Variants in LSAMP observed in about 807,000 individuals in gnomAD.
The protein encoded by LSAMP is limbic system associated membrane protein, also known as limbic system-associated membrane protein.
A neutral mutation model predicts 38.6 loss-of-function variants in LSAMP; 7 were observed. That is an observed-to-expected ratio of 0.18 (90% CI 0.10 to 0.34). The LOEUF (loss-of-function observed/expected upper bound fraction) is 0.34. Ranked by LOEUF, LSAMP falls within the 10% of genes least tolerant of loss-of-function variation. The probability of loss-of-function intolerance (pLI) is 1.00; values close to 1 mark genes in which losing one functional copy is unlikely to be tolerated. For synonymous variants in LSAMP, 154 were observed against 166.8 expected, an observed-to-expected ratio of 0.92 and a Z score of 0.59; for missense variants, 313 against 420.0, an observed-to-expected ratio of 0.75 and a Z score of 2.23.
intron 3 of LSAMP, among the ~76,000 whole-genome samples, chr3:115,996,389 A>C (rs1013062839): frequency 2.5e-4 from 38 of 152,128 alleles, no homozygotes; most frequent in African/African-American, 8.7e-4. Context: ...ATTTCAAGAG[A>C]GATCTACAGG....
chr3:116,400,076 G>T (rs541311735), intron 1 of LSAMP, among the ~76,000 whole-genome samples: 5 of 152,096 alleles, frequency 3.3e-5, no homozygotes, highest in Non-Finnish European at 7.4e-5. Flanking sequence ...AAATATTAAG[G>T]CTACAGTAAT....
intron 1 of LSAMP, among the ~76,000 whole-genome samples, chr3:116,208,505 T>C (rs1015990825): frequency 2.0e-5 from 3 of 152,346 alleles, no homozygotes; most frequent in African/African-American, 7.2e-5. Flanking sequence ...CGTTTTTCTG[T>C]TCTGTTTTTT....
chr3:116,007,303 A>G (rs567292544), intron 3 of LSAMP, among the ~76,000 whole-genome samples: 12 of 151,816 alleles, frequency 7.9e-5, no homozygotes, highest in Non-Finnish European at 1.2e-4. Context: ...TTTTTTGCCA[A>G]GGAGTTTGCT....
intron 1 of LSAMP, among the ~76,000 whole-genome samples, chr3:116,195,332 CT>C (rs1297719504): frequency 1.3e-5 from 2 of 152,128 alleles, no homozygotes; most frequent in East Asian, 3.8e-4. Flanking sequence ...CTCCTGTTTC[CT>C]GAGTGTGTCT....
chr3:115,997,747 T>TATATATAC (rs1467340898), intron 3 of LSAMP, among the ~76,000 whole-genome samples: 1 of 96,120 alleles, frequency 1.0e-5, no homozygotes, highest in Non-Finnish European at 2.2e-5. Context: ...TATATATATA[T>TATATATAC]ATATATACAC....
rs992020088 is a variant in LSAMP, at chr3:116,129,539, G to C, written c.156-42983C>G. 3.9e-5 allele frequency among the ~76,000 whole-genome samples: 6 copies of C among 152,298 alleles called. No homozygotes were observed. The South Asian group carries it at 1.2e-3, about 32-fold the overall frequency. On this transcript the variant is annotated intron_variant, in intron 1 of 6. Coordinates refer to ENST00000490035, the MANE Select transcript of LSAMP (RefSeq NM_002338.5). ...ACAGTTATGTGAAGGGTATGGCCCA[G>C]CTTGTCTCAAAACATTGTCAGTGTG...
At chr3:116,185,398 T>A (rs1250828286) in intron 1 of LSAMP, among the ~76,000 whole-genome samples, 1 of 152,060 alleles carries the variant, frequency 6.6e-6, no homozygotes, top group Non-Finnish European at 1.5e-5. Flanking sequence ...GCTTCATATT[T>A]TAAGATCAGG....
intron 1 of LSAMP, among the ~76,000 whole-genome samples, chr3:116,309,279 C>T (rs188224460): frequency 4.5e-4 from 68 of 152,046 alleles, no homozygotes; most frequent in Admixed American, 3.3e-3. Context: ...TGCAGATTAC[C>T]AAGTATAATC....
intron 4 of LSAMP, among the ~76,000 whole-genome samples, chr3:115,845,006 AG>A (rs1935109826): frequency 6.6e-6 from 1 of 152,192 alleles, no homozygotes; most frequent in South Asian, 2.1e-4. Flanking sequence ...AACCCAAGGC[AG>A]GGAAGTGCAT....
chr3:116,206,382 G>T (rs996596502), intron 1 of LSAMP, among the ~76,000 whole-genome samples: 20 of 151,062 alleles, frequency 1.3e-4, no homozygotes, highest in African/African-American at 3.7e-4. Flanking sequence ...TTTTTGAAGG[G>T]TTTTTTTGGT....
At chr3:116,209,951 T>C (rs9810620) in intron 1 of LSAMP, among the ~76,000 whole-genome samples, 76,172 of 151,790 alleles carry the variant, frequency 0.5, 21,507 homozygotes, top group East Asian at 0.74. Flanking sequence ...AGACGGAGTT[T>C]CACCATGTTA....
intron 2 of LSAMP, among the ~76,000 whole-genome samples, chr3:116,082,901 G>T (rs1248599380): frequency 1.3e-5 from 2 of 152,148 alleles, no homozygotes; most frequent in Non-Finnish European, 2.9e-5. Flanking sequence ...TGGAGGGTGG[G>T]AGGAGAGAGA....
intron 1 of LSAMP, among the ~76,000 whole-genome samples, chr3:116,312,265 G>A (rs1340155711): frequency 6.6e-6 from 1 of 152,218 alleles, no homozygotes; most frequent in Non-Finnish European, 1.5e-5. Flanking sequence ...GAGGCTGGCT[G>A]CAGATGGCAG....
In LSAMP at chr3:116,434,616, C is replaced by T. The variant is rs146458232; in HGVS notation, c.155+10261G>A. 3.0e-3 allele frequency among the ~76,000 whole-genome samples: 464 copies of T among 152,210 alleles called. 3 individuals are homozygous for T. Among genetic ancestry groups the T allele is most frequent in the African/African-American group, 0.011 (443 of 41,526 alleles). On this transcript the variant is annotated intron_variant, in intron 1 of 6. Transcript: ENST00000490035. ...GTTGCTAGACTGGAGTGCAGTGGCG[C>T]GATCTCGGCTCACTGAAACTCTGCC...
chr3:116,312,840 G>T (rs560263930), intron 1 of LSAMP, among the ~76,000 whole-genome samples: 1 of 152,304 alleles, frequency 6.6e-6, no homozygotes, highest in South Asian at 2.1e-4. Context: ...TTGCAAGTGT[G>T]TGTGTATGTG....
At chr3:116,132,753 A>G (rs1054129030) in intron 1 of LSAMP, among the ~76,000 whole-genome samples, 2 of 152,222 alleles carry the variant, frequency 1.3e-5, no homozygotes, top group Non-Finnish European at 2.9e-5. Flanking sequence ...TTAAATTTTT[A>G]AACAATTAGT....
intron 1 of LSAMP, among the ~76,000 whole-genome samples, chr3:116,411,543 G>A (rs1186252702): frequency 1.9e-4 from 28 of 145,248 alleles, no homozygotes; most frequent in African/African-American, 5.4e-4. Context: ...ACCAAACACC[G>A]CATGTTCTCA....
chr3:116,299,436 G>GAAAGT (rs1382249247), intron 1 of LSAMP, among the ~76,000 whole-genome samples: 1 of 152,234 alleles, frequency 6.6e-6, no homozygotes, highest in Non-Finnish European at 1.5e-5. Flanking sequence ...GACTGACTGA[G>GAAAGT]AAAGTACACA....
At chr3:115,947,721 G>T (rs1448437119) in intron 3 of LSAMP, among the ~76,000 whole-genome samples, 1 of 152,134 alleles carries the variant, frequency 6.6e-6, no homozygotes, top group African/African-American at 2.4e-5. Context: ...TATAACCCAT[G>T]CTGAAAGACT....
Sources: allele counts gnomAD v4.1 joint callset (sites outside exome capture counted in the v4.1 genomes callset), GRCh38; gene constraint gnomAD v4.1.1; transcripts MANE v1.5; gene names NCBI Gene and HGNC (gene_info 2026-07-23, HGNC 2026-07-21).